The following C6orf118 variants were observed in gnomAD, a reference collection of about 807,000 sequenced individuals.
C6orf118 encodes uncharacterized protein C6orf118.
Under a neutral mutation model 50.2 loss-of-function variants are expected in C6orf118, and 50 were observed. The observed-to-expected ratio is 1.00, with a 90% CI of 0.79 to 1.26. C6orf118 has a LOEUF of 1.26. C6orf118 is among the 50% of genes most tolerant of loss of function. The pLI, the probability that C6orf118 is intolerant of heterozygous loss-of-function variation, is 0.00. For missense variants in C6orf118, 641 were observed against 578.7 expected (o/e 1.11, Z -1.10); for synonymous variants, 239 against 230.9 (o/e 1.03, Z -0.32).
At chr6:165,297,869 T>C in intron 5 of C6orf118, 108 bp downstream of exon 5, 1 of 1,510,172 alleles carries the variant, frequency 6.6e-7, no homozygotes, top group Non-Finnish European at 9.1e-7. Context: ...AAAAGTAGCA[T>C]GTTTTCAGCA....
At chr6:165,283,816 C>A (rs1018701633) in intron 7 of C6orf118, among the ~76,000 whole-genome samples, 1 of 152,168 alleles carries the variant, frequency 6.6e-6, no homozygotes, top group African/African-American at 2.4e-5. Flanking sequence ...AAAACCCCAT[C>A]CAAAGGTCAG....
chr6:165,280,209 C>T lies in C6orf118; in HGVS notation c.1357-99G>A, dbSNP rs546548182. The T allele has an allele frequency of 7.9e-6, 6 of 759,374 alleles. No homozygotes were observed. In the South Asian group the frequency reaches 1.1e-4, roughly 14 times the overall value. The allele number at this position is 759,374 out of a possible 1,614,324, so 47.0% of individuals were successfully genotyped here. A position where few individuals can be genotyped will look rare whatever the true frequency, so the allele number is the denominator to read the frequency against. On this transcript the variant is annotated intron_variant, in intron 8 of 8. Coordinates refer to ENST00000230301, the MANE Select transcript of C6orf118 (RefSeq NM_144980.4). ...AGCATCTATTTTAGACACATTTACC[C>T]AAAAACAGACAAGATGAGACTTTGT...
At position 165,301,798 on chromosome 6, in the gene C6orf118, T is replaced by G; in HGVS notation, c.524A>C (p.Glu175Ala). The G allele has an allele frequency of 1.2e-6, 2 of 1,613,894 alleles. No individual in the cohort carries two copies. The highest frequency in any genetic ancestry group is 1.7e-6 in the Non-Finnish European group (2 of 1,179,928). Residue 175 changes from glutamate to alanine, a missense_variant, in exon 2 of 9, where the codon GAA becomes GCA. Transcript: ENST00000230301. ...CTTCAAGTCGGGCAGCCGGAGTTCT[T>G]CCCTCCTGCGCCATCCAGGAGGGCC... ...GRGPPGWRRR[E>A]ELRLPDLKVL... is the part of the protein sequence containing the mutation.
Position 165,302,153 on chromosome 6 carries a change from A to G in C6orf118, c.169T>C (p.Tyr57His). 3.7e-6 allele frequency: 6 copies of G among 1,613,002 alleles called. No individual in the cohort carries two copies. Among genetic ancestry groups the G allele is most frequent in the Non-Finnish European group, 5.1e-6 (6 of 1,179,942 alleles). Residue 57 changes from tyrosine to histidine, a missense_variant, in exon 2 of 9, where the codon TAC becomes CAC. Coordinates refer to ENST00000230301, the MANE Select transcript of C6orf118 (RefSeq NM_144980.4). ...RLQKDHREDV[Y>H]LYISGHLNPN... ...TTCAGGTGTCCAGAGATGTAGAGGT[A>G]GACGTCCTCCCGGTGGTCTTTCTGA... is the stretch of plus-strand genomic sequence containing the variant.
In C6orf118 at chr6:165,280,026, T is replaced by C; in HGVS notation, c.*31A>G. 5 of 1,589,660 alleles carry C rather than the reference T, an allele frequency of 3.1e-6. No homozygotes were observed. The highest frequency in any genetic ancestry group is 4.3e-6 in the Non-Finnish European group (5 of 1,173,290). ...GCTACATACATGGAAGTTAAGAATT[T>C]CCACTGGCCATTTGTTCAGCCACTT... On this transcript the variant is annotated 3_prime_UTR_variant, in exon 9 of 9. Transcript: ENST00000230301.
chr6:165,299,413 C>G, intron 4 of C6orf118, 30 bp downstream of exon 4: 1 of 1,606,794 alleles, frequency 6.2e-7, no homozygotes, highest in Non-Finnish European at 8.5e-7. Context: ...TAAGCAGGCT[C>G]TATTCAGGCT....
chr6:165,296,566 T>G (rs1562330339), intron 5 of C6orf118, among the ~76,000 whole-genome samples: 1 of 152,144 alleles, frequency 6.6e-6, no homozygotes, highest in Non-Finnish European at 1.5e-5. Context: ...ACAGAACTCG[T>G]GCCTTCTTGC....
At chr6:165,307,310 G>C (rs1190475070) in intron 1 of C6orf118, among the ~76,000 whole-genome samples, 1 of 137,880 alleles carries the variant, frequency 7.3e-6, no homozygotes, top group Non-Finnish European at 1.5e-5. Flanking sequence ...TGTAATCTCA[G>C]CACTTTGGGA....
chr6:165,288,489 G>A (rs552544213), intron 7 of C6orf118, among the ~76,000 whole-genome samples: 7 of 152,272 alleles, frequency 4.6e-5, no homozygotes, highest in South Asian at 2.1e-4. Flanking sequence ...GCACATATAT[G>A]TCCATTGCAG....
In C6orf118 at chr6:165,279,972, T is replaced by G; in HGVS notation, c.*85A>C. Reference sequence around the variant, plus strand: ...GCTGATGAAATGAAATGTATCTTTATGAATGTATATGCATCTGCAAATATC... The same window carrying G: ...GCTGATGAAATGAAATGTATCTTTAGGAATGTATATGCATCTGCAAATATC... On this transcript the variant is annotated 3_prime_UTR_variant, in exon 9 of 9. Transcript: ENST00000230301. The G allele has an allele frequency of 7.7e-7, 1 of 1,294,018 alleles. No individual in the cohort carries two copies. Among genetic ancestry groups the G allele is most frequent in the East Asian group, 2.4e-5 (1 of 42,342 alleles). 80.2% of individuals were successfully genotyped at this position (1,294,018 alleles called of 1,614,324 possible). A position where few individuals can be genotyped will look rare whatever the true frequency, so the allele number is the denominator to read the frequency against.
intron 7 of C6orf118, among the ~76,000 whole-genome samples, chr6:165,285,568 A>G (rs1779874318): frequency 6.6e-6 from 1 of 151,482 alleles, no homozygotes; most frequent in African/African-American, 2.4e-5. Flanking sequence ...ACTCCTCAGC[A>G]ATAACAAACA....
intron 7 of C6orf118, among the ~76,000 whole-genome samples, chr6:165,282,712 A>G (rs1779769991): frequency 1.3e-5 from 2 of 150,196 alleles, no homozygotes; most frequent in South Asian, 2.1e-4. Context: ...CCAATTACAT[A>G]ATAGAATAAC....
chr6:165,290,064 G>A lies in C6orf118; in HGVS notation c.1124C>T (p.Ser375Leu). 1 of 1,576,796 alleles carries A rather than the reference G, an allele frequency of 6.3e-7. No individual in the cohort carries two copies. The highest frequency in any genetic ancestry group is 8.6e-7 in the Non-Finnish European group (1 of 1,161,414). The change falls in exon 7 of 9, where the codon TCA becomes TTA. Residue 375 changes from serine (S) to leucine (L), a missense_variant. By Grantham distance (145) the Ser-to-Leu change is moderately radical. Transcript: ENST00000230301. ...TTCATCAATTATATGTTTCTCAGATGATTCTGGAAATATTTTTTAAAACAA... is the reference window on the plus strand; with the variant it reads ...TTCATCAATTATATGTTTCTCAGATAATTCTGGAAATATTTTTTAAAACAA... ...LLQSAKERSE[S>L]SEKHIIDENR...
Position 165,291,525 on chromosome 6 carries a change from G to C in C6orf118, c.1121-1458C>G, listed in dbSNP as rs10214718. Among the ~76,000 whole-genome samples, 1,029 of 152,204 alleles carry C rather than the reference G, an allele frequency of 6.8e-3. 12 individuals carry two copies. Among genetic ancestry groups the C allele is most frequent in the African/African-American group, 0.023 (975 of 41,534 alleles). ...TGATACCATCCATTGAAATAGCCAG[G>C]GGGATGCCAATTTAGAGAAGGAGAT... On this transcript the variant is annotated intron_variant, in intron 6 of 8. Coordinates refer to ENST00000230301, the MANE Select transcript of C6orf118 (RefSeq NM_144980.4).
chr6:165,288,087 A>G (rs1334564030), intron 7 of C6orf118, among the ~76,000 whole-genome samples: 3 of 152,226 alleles, frequency 2.0e-5, no homozygotes, highest in Non-Finnish European at 4.4e-5. Context: ...ATTTACAAGA[A>G]AAAACAAACA....
chr6:165,302,192 G>C lies in C6orf118; in HGVS notation c.130C>G (p.Leu44Val), dbSNP rs1349212513. 6 of 1,612,738 alleles carry C rather than the reference G, an allele frequency of 3.7e-6. No individual in the cohort carries two copies. Among genetic ancestry groups the C allele is most frequent in the Non-Finnish European group, 5.1e-6 (6 of 1,179,954 alleles). Residue 44 changes from leucine to valine, a missense_variant, in exon 2 of 9, where the codon CTT becomes GTT. Coordinates refer to ENST00000230301, the MANE Select transcript of C6orf118 (RefSeq NM_144980.4). ...TGGTCTTTCTGAAGCCGATTCAGAA[G>C]TTTCTTCAGATTACACAGGGTCTTC... is the stretch of plus-strand genomic sequence containing the variant. The part of the protein sequence containing the change: ...GVKTLCNLKK[L>V]LNRLQKDHRE...
Position 165,301,886 on chromosome 6 carries a change from A to G in C6orf118, c.436T>C (p.Phe146Leu). The change falls in exon 2 of 9, where the codon TTC (phenylalanine) becomes CTC (leucine). Residue 146 changes from phenylalanine to leucine, a missense_variant. Transcript: ENST00000230301. ...ASLSHTSEEDFLPVEAVREGK... is the reference protein window; with the variant it reads ...ASLSHTSEEDLLPVEAVREGK... Reference sequence around the variant, plus strand: ...TCTCTGACAGCCTCCACTGGAAGGAAATCCTCCTCTGAAGTGTGGGAAAGA... The same window carrying G: ...TCTCTGACAGCCTCCACTGGAAGGAGATCCTCCTCTGAAGTGTGGGAAAGA... 6.2e-7 allele frequency: 1 copy of G among 1,613,776 alleles called. No homozygotes were observed. The highest frequency in any genetic ancestry group is 8.5e-7 in the Non-Finnish European group (1 of 1,179,986).
chr6:165,308,761 C>A (rs184274620), intron 1 of C6orf118, among the ~76,000 whole-genome samples: 1 of 152,206 alleles, frequency 6.6e-6, no homozygotes, highest in Non-Finnish European at 1.5e-5. Context: ...GGAGGGGAAA[C>A]TGAGGTTCAG....
chr6:165,280,347 T>C (rs895918682), intron 8 of C6orf118, among the ~76,000 whole-genome samples: 2 of 152,202 alleles, frequency 1.3e-5, no homozygotes, highest in Non-Finnish European at 2.9e-5. Flanking sequence ...GCATGGGAAG[T>C]AGGTGTACCA....
Sources: gnomAD v4.1 joint callset for allele counts (sites outside exome capture counted in the v4.1 genomes callset) on GRCh38, gnomAD v4.1.1 for gene constraint, MANE v1.5 for transcripts, NCBI Gene and HGNC (gene_info 2026-07-23, HGNC 2026-07-21) for gene names.